Variants in SOD2 observed in about 807,000 individuals in gnomAD.
SOD2 encodes the protein superoxide dismutase 2, also known as superoxide dismutase [Mn], mitochondrial.
A neutral mutation model predicts 27.0 loss-of-function variants in SOD2; 11 were observed. That is an observed-to-expected ratio of 0.41 (90% CI 0.26 to 0.67). The LOEUF (loss-of-function observed/expected upper bound fraction) is 0.67. Among genes scored for constraint, SOD2 ranks in the 30% least tolerant of loss-of-function variants. The probability of loss-of-function intolerance (pLI) is 0.34; values close to 1 mark genes in which losing one functional copy is unlikely to be tolerated. For missense variants in SOD2, 250 were observed against 274.5 expected (o/e 0.91, Z 0.63); for synonymous variants, 105 against 103.0 (o/e 1.02, Z -0.12).
chr6:159,702,413 C>T (rs1777537928), intron 1 of SOD2, among the ~76,000 whole-genome samples: 1 of 151,588 alleles, frequency 6.6e-6, no homozygotes, highest in Non-Finnish European at 1.5e-5. Flanking sequence ...TCTTGTGCCT[C>T]AGCCTCCCTA....
At chr6:159,693,429 C>A (rs5746089), upstream of SOD2, 2,896 of 162,796 alleles carry the variant, frequency 0.018, 39 homozygotes, top group Non-Finnish European at 0.03. Flanking sequence ...ACACCCCGCG[C>A]CCAGGGCACG....
intron 1 of SOD2, among the ~76,000 whole-genome samples, chr6:159,758,874 GATTGCATCTTCC>G (rs1780067274): frequency 6.6e-6 from 1 of 152,132 alleles, no homozygotes; most frequent in Non-Finnish European, 1.5e-5. Context: ...AACCAAGAAT[GATTGCATCTTCC>G]AGCGGGGGAA....
upstream of SOD2, among the ~76,000 whole-genome samples, chr6:159,746,943 C>T (rs1180178512): frequency 6.6e-6 from 1 of 152,086 alleles, no homozygotes; most frequent in African/African-American, 2.4e-5. Context: ...TTAATCAGTC[C>T]TGTCAGTACA....
rs5746133 is a variant in SOD2 at position 159,682,196 on chromosome 6, C to G, written c.*297G>C. ...CTAGAAAGGCATCCCTACAAGTCCC[C>G]AAAGTATATGGATGGAATATTTTTG... On this transcript the variant is annotated 3_prime_UTR_variant, in exon 5 of 5. Coordinates refer to ENST00000538183, the MANE Select transcript of SOD2 (RefSeq NM_000636.4). 1,164 of 199,350 alleles carry G rather than the reference C, an allele frequency of 5.8e-3. 11 individuals are homozygous for G. Among genetic ancestry groups the G allele is most frequent in the South Asian group, 0.011 (75 of 6,900 alleles). The allele number at this position is 199,350 out of a possible 1,614,324, so 12.3% of individuals were successfully genotyped here. A position where few individuals can be genotyped will look rare whatever the true frequency, so the allele number is the denominator to read the frequency against.
intron 4 of SOD2, 131 bp downstream of exon 4, chr6:159,684,723 T>A (rs1439831226): frequency 1.0e-5 from 6 of 601,190 alleles, no homozygotes; most frequent in African/African-American, 3.8e-5. Context: ...TACACAAGAC[T>A]CTGGGTGTTA....
At chr6:159,695,037 G>A (rs981653688), upstream of SOD2, among the ~76,000 whole-genome samples, 12 of 152,152 alleles carry the variant, frequency 7.9e-5, no homozygotes, top group Admixed American at 7.2e-4. Flanking sequence ...ACTGACTTGG[G>A]GGGATGAAGG....
At chr6:159,712,747 A>T (rs893645268) in intron 1 of SOD2, 75 of 467,590 alleles carry the variant, frequency 1.6e-4, no homozygotes, top group African/African-American at 1.5e-3. Flanking sequence ...TACTCAGACC[A>T]CCATAACCAC....
intron 3 of SOD2, among the ~76,000 whole-genome samples, chr6:159,687,301 A>G (rs917284388): frequency 7.9e-5 from 12 of 152,062 alleles, no homozygotes; most frequent in Non-Finnish European, 1.3e-4. Context: ...CCCCGCCAAC[A>G]TGGTGAAACC....
Position 159,692,765 on chromosome 6 carries a change from T to C in SOD2, c.122A>G (p.His41Arg), listed in dbSNP as rs1341238242. Reference sequence around the variant, plus strand: ...CAGCTGCATGATCTGCGCGTTGATGTGAGGTTCCAGGGCGCCGTAGTCGTA... The same window carrying C: ...CAGCTGCATGATCTGCGCGTTGATGCGAGGTTCCAGGGCGCCGTAGTCGTA... ...LPYDYGALEP[H>R]INAQIMQLHH... is the part of the protein sequence containing the mutation. Residue 41 changes from histidine (H) to arginine (R), a missense_variant, in exon 2 of 5, where the codon CAC becomes CGC. Transcript: ENST00000538183. The C allele has an allele frequency of 6.2e-7, 1 of 1,614,134 alleles. No homozygotes were observed. The highest frequency in any genetic ancestry group is 1.7e-5 in the Admixed American group (1 of 60,016).
intron 1 of SOD2, chr6:159,755,747 TTG>T: frequency 8.7e-7 from 1 of 1,146,268 alleles, no homozygotes; most frequent in Non-Finnish European, 1.1e-6. Flanking sequence ...TTTTTTTTCT[TTG>T]TTTTTTTTTT....
chr6:159,690,000 A>G (rs574011386), intron 2 of SOD2, among the ~76,000 whole-genome samples: 62 of 146,106 alleles, frequency 4.2e-4, no homozygotes, highest in African/African-American at 1.5e-3. Flanking sequence ...ACATACATAC[A>G]AGGCCAGGTG....
chr6:159,741,312 T>G (rs1309080230), intron 1 of SOD2, among the ~76,000 whole-genome samples: 1 of 152,204 alleles, frequency 6.6e-6, no homozygotes, highest in Non-Finnish European at 1.5e-5. Flanking sequence ...TAGATGTGAT[T>G]GTTAAATTAC....
At chr6:159,738,153 T>C (rs1295912541) in intron 1 of SOD2, among the ~76,000 whole-genome samples, 1 of 152,232 alleles carries the variant, frequency 6.6e-6, no homozygotes, top group Non-Finnish European at 1.5e-5. Flanking sequence ...CATGTCTAGC[T>C]TTGTGTAACC....
rs1413327634 is a variant in SOD2 at position 159,672,451 on chromosome 6, G to T, written c.*10042C>A. 2 of 152,200 alleles carry T rather than the reference G, an allele frequency of 1.3e-5. No individual in the cohort carries two copies. The highest frequency in any genetic ancestry group is 3.2e-3 in the Middle Eastern group (1 of 316). The allele number at this position is 152,200 out of a possible 1,614,324, so 9.4% of individuals were successfully genotyped here. A position where few individuals can be genotyped will look rare whatever the true frequency, so the allele number is the denominator to read the frequency against. On this transcript the variant is annotated 3_prime_UTR_variant, in exon 5 of 5. Coordinates refer to ENST00000538183, the MANE Select transcript of SOD2 (RefSeq NM_000636.4). The stretch of plus-strand genomic sequence containing the variant: ...GGGGTCAATATTCAACGTTCTTGAA[G>T]AAAAGAATTTTCAACCCAGAATTTC...
intron 1 of SOD2, chr6:159,726,555 C>T (rs1271745305): frequency 2.9e-6 from 1 of 343,302 alleles, no homozygotes; most frequent in African/African-American, 2.2e-5. Flanking sequence ...TTCACGTTCT[C>T]CAGGTAACAC....
At chr6:159,698,600 C>A (rs1352666973) in intron 1 of SOD2, among the ~76,000 whole-genome samples, 7 of 126,968 alleles carry the variant, frequency 5.5e-5, no homozygotes, top group South Asian at 5.3e-4. Context: ...AAAAAAAATC[C>A]AATAAAACAT....
At chr6:159,743,611 G>GT (rs1779391341) in intron 1 of SOD2, 1 of 1,501,116 alleles carries the variant, frequency 6.7e-7, no homozygotes, top group Admixed American at 2.0e-5. Context: ...CTTGACAGAG[G>GT]TATTTAGAAC....
chr6:159,733,699 A>G (rs1778729825), intron 1 of SOD2, among the ~76,000 whole-genome samples: 1 of 151,748 alleles, frequency 6.6e-6, no homozygotes, highest in African/African-American at 2.4e-5. Flanking sequence ...AGATCACCTG[A>G]GGTCGGGATT....
In SOD2 at chr6:159,717,897, ATGTGTGTGTG is replaced by A. The variant is rs66742481; in HGVS notation, c.-116+9222_-116+9231del. Among the ~76,000 whole-genome samples, 570 of 149,556 alleles carry A rather than the reference ATGTGTGTGTG, an allele frequency of 3.8e-3. 2 individuals carry two copies. Among genetic ancestry groups the A allele is most frequent in the Non-Finnish European group, 5.1e-3 (344 of 67,544 alleles). ...TATTCATACATATATATGTATGGATATGTGTGTGTGTGTGTGTGTGTGTGTGTGTGTATAT... is the reference window on the plus strand; with the variant it reads ...TATTCATACATATATATGTATGGATATGTGTGTGTGTGTGTGTGTGTATAT... On this transcript the variant is annotated intron_variant, in intron 1 of 2. Coordinates refer to the SOD2 transcript ENST00000401980.
Sources: gnomAD v4.1 joint callset for allele counts (sites outside exome capture counted in the v4.1 genomes callset) on GRCh38, gnomAD v4.1.1 for gene constraint, MANE v1.5 for transcripts, NCBI Gene and HGNC (gene_info 2026-07-23, HGNC 2026-07-21) for gene names.